The following XAB2 variants were observed in gnomAD, a reference collection of about 807,000 sequenced individuals.
The protein encoded by XAB2 is XPA binding protein 2, also known as pre-mRNA-splicing factor SYF1.
A neutral mutation model predicts 113.4 loss-of-function variants in XAB2; 57 were observed. That is an observed-to-expected ratio of 0.50 (90% CI 0.41 to 0.63). The LOEUF is 0.63. XAB2 is among the 20% of genes least tolerant of loss of function. The pLI is 0.00. For missense variants in XAB2, 1,037 were observed against 1,233.3 expected (o/e 0.84, Z 2.38); for synonymous variants, 497 against 498.8 (o/e 1.00, Z 0.05).
chr19:7,629,398 C>T (rs1029208062), intron 1 of XAB2, 79 bp downstream of exon 1: 22 of 1,528,770 alleles, frequency 1.4e-5, no homozygotes, highest in Non-Finnish European at 1.8e-5. Context: ...ATCTCCTTGC[C>T]GACCCAGCCT....
rs397724907 is a variant in XAB2, at chr19:7,625,473, CTTTTT to C, written c.822+402_822+406del. ...ATATGCATGTCTGTCAAAAATGGCA[CTTTTT>C]TTTTTTTTTTTTTTTTTTGAGATGG... On this transcript the variant is annotated intron_variant, in intron 6 of 18. Transcript: ENST00000358368. The surrounding 1 kb of genome is among the most constrained non-coding windows in gnomAD (Gnocchi z 5.2). 1.3e-4 allele frequency among the ~76,000 whole-genome samples: 14 copies of C among 105,322 alleles called. No homozygotes were observed. In the East Asian group the frequency reaches 2.6e-3, roughly 20 times the overall value. The allele number at this position is 105,322 out of a possible 152,430, so 69.1% of individuals were successfully genotyped here.
At position 7,623,287 on chromosome 19, in the gene XAB2, G is replaced by T; in HGVS notation, c.1122C>A (p.Ile374=). The change falls in exon 9 of 19, where the codon ATC becomes ATA. Residue 374 remains isoleucine (I), a splice_region_variant and synonymous_variant. Transcript: ENST00000358368. This position sits in a 1 kb window ranked among gnomAD's most constrained non-coding sequence, Gnocchi z 4.6. ...VALHQGRPRE[I]INTYTEAVQT... ...GCACAGCCTCTGTGTAGGTGTTGAT[G>T]ATCTGGGGACAGGAGGGAGGAGGTC... 1 of 1,613,472 alleles carries T rather than the reference G, an allele frequency of 6.2e-7. No individual in the cohort carries two copies. The highest frequency in any genetic ancestry group is 8.5e-7 in the Non-Finnish European group (1 of 1,179,988).
At position 7,621,295 on chromosome 19, in the gene XAB2, C is replaced by A. The variant is rs778960885; in HGVS notation, c.1620G>T (p.Ala540=). 3.7e-6 allele frequency: 6 copies of A among 1,612,332 alleles called. No homozygotes were observed. The highest frequency in any genetic ancestry group is 1.7e-5 in the Admixed American group (1 of 59,992). Residue 540 remains alanine, a splice_region_variant and synonymous_variant, in exon 13 of 19, where the codon GCG becomes GCT. Coordinates refer to ENST00000358368, the MANE Select transcript of XAB2 (RefSeq NM_020196.3). ...EHKYFEESFK[A]YERGISLFKW... is the part of the protein sequence containing the mutation. The stretch of plus-strand genomic sequence containing the variant: ...TGAACAGCGAGATGCCGCGCTCGTA[C>A]GCCTGTTACCAGAGGGAGAGTCACA...
At position 7,627,939 on chromosome 19, in the gene XAB2, G is replaced by T; in HGVS notation, c.201-88C>A. The T allele has an allele frequency of 1.3e-6, 2 of 1,559,342 alleles. No homozygotes were observed. Among genetic ancestry groups the T allele is most frequent in the Non-Finnish European group, 1.7e-6 (2 of 1,149,762 alleles). ...GCCCTGCCCCAGTTGGCAAATGTGG[G>T]AAGAAGGGGTGTGGGAGGGGTGACA... On this transcript the variant is annotated intron_variant, in intron 2 of 18. Transcript: ENST00000358368. This position sits in a 1 kb window ranked among gnomAD's most constrained non-coding sequence, Gnocchi z 4.5.
At chr19:7,621,462 C>T in intron 12 of XAB2, 165 bp from the exon 13 acceptor site, 1 of 702,896 alleles carries the variant, frequency 1.4e-6, no homozygotes, top group South Asian at 1.8e-5. Context: ...GGTCTGTCCT[C>T]TGCACTGTCT....
At position 7,620,084 on chromosome 19, in the gene XAB2, T is replaced by G. The variant is rs1474668158; in HGVS notation, c.2267-9A>C. 4.3e-6 allele frequency: 7 copies of G among 1,610,184 alleles called. No homozygotes were observed. The highest frequency in any genetic ancestry group is 5.9e-6 in the Non-Finnish European group (7 of 1,179,846). On this transcript the variant is annotated splice_polypyrimidine_tract_variant and intron_variant, in intron 16 of 18. Coordinates refer to ENST00000358368, the MANE Select transcript of XAB2 (RefSeq NM_020196.3). ...AGGGGCCAGGTCAGACACTAGGGGG[T>G]GGGAGCAGGGGGTCAGCGCCACGGG...
Position 7,619,627 on chromosome 19 carries a change from T to C in XAB2, c.2527A>G (p.Ser843Gly). Residue 843 changes from serine (S) to glycine (G), a missense_variant, in exon 19 of 19, where the codon AGC becomes GGC. Ser to Gly is a moderately conservative substitution (Grantham distance 56). Coordinates refer to ENST00000358368, the MANE Select transcript of XAB2 (RefSeq NM_020196.3). Reference protein sequence around the residue: ...EPNEVRLEQQSVPAAVFGSLK... With the variant: ...EPNEVRLEQQGVPAAVFGSLK... ...CTCCCAAACACTGCGGCTGGCACGC[T>C]CTGCTGCTCCAGCCGAACCTCTGTG... 2.5e-6 allele frequency: 4 copies of C among 1,603,678 alleles called. No individual in the cohort carries two copies. Among genetic ancestry groups the C allele is most frequent in the Non-Finnish European group, 3.4e-6 (4 of 1,174,674 alleles).
rs2031100850 is a variant in XAB2 at position 7,624,549 on chromosome 19, G to A, written c.823-104C>T. ...ATGTGGAACCCCTGGGGGCCTTCTG[G>A]GTAGTGACGCATCCAGCACCTCTGG... On this transcript the variant is annotated intron_variant, in intron 6 of 18. Transcript: ENST00000358368. The surrounding 1 kb of genome is among the most constrained non-coding windows in gnomAD (Gnocchi z 4.2). 2.6e-6 allele frequency: 4 copies of A among 1,537,634 alleles called. No homozygotes were observed. The highest frequency in any genetic ancestry group is 3.5e-6 in the Non-Finnish European group (4 of 1,134,062).
chr19:7,621,100 C>CCCCCCCCCCCCCCCA, intron 13 of XAB2, 35 bp downstream of exon 13: 1 of 1,513,524 alleles, frequency 6.6e-7, no homozygotes, highest in Non-Finnish European at 8.9e-7. Flanking sequence ...ACCCAGCCCG[C>CCCCCCCCCCCCCCCA]CCGCCACCCC....
chr19:7,624,557 C>G lies in XAB2; in HGVS notation c.823-112G>C. ...CCCCTGGGGGCCTTCTGGGTAGTGA[C>G]GCATCCAGCACCTCTGGGTAGTGAC... On this transcript the variant is annotated intron_variant, in intron 6 of 18. Coordinates refer to ENST00000358368, the MANE Select transcript of XAB2 (RefSeq NM_020196.3). This position sits in a 1 kb window ranked among gnomAD's most constrained non-coding sequence, Gnocchi z 4.2. 1.3e-6 allele frequency: 2 copies of G among 1,495,434 alleles called. No individual in the cohort carries two copies. Among genetic ancestry groups the G allele is most frequent in the Non-Finnish European group, 1.8e-6 (2 of 1,102,454 alleles). 92.6% of individuals were successfully genotyped at this position (1,495,434 alleles called of 1,614,324 possible). A position where few individuals can be genotyped will look rare whatever the true frequency, so the allele number is the denominator to read the frequency against.
rs2031012985 is a variant in XAB2, at chr19:7,620,683, T to C, written c.1972-14A>G. 3.7e-6 allele frequency: 6 copies of C among 1,611,794 alleles called. No individual in the cohort carries two copies. The highest frequency in any genetic ancestry group is 2.2e-5 in the East Asian group (1 of 44,832). ...GTCCGACAGCACCTGGACACCGGGG[T>C]TGGGGAGGCCGGGAGTGAGGCCGGG... is the stretch of plus-strand genomic sequence containing the variant. On this transcript the variant is annotated splice_polypyrimidine_tract_variant and intron_variant, in intron 14 of 18. Coordinates refer to ENST00000358368, the MANE Select transcript of XAB2 (RefSeq NM_020196.3).
In XAB2 at chr19:7,619,671, C is replaced by T. The variant is rs1390581359; in HGVS notation, c.2507-24G>A. ...CTCTGTGGGGAAGGCGGGAGCCAGT[C>T]ACCCTCCTGGCGTTGGCCTGTCCCC... On this transcript the variant is annotated intron_variant, in intron 18 of 18. Coordinates refer to ENST00000358368, the MANE Select transcript of XAB2 (RefSeq NM_020196.3). 4 of 1,603,400 alleles carry T rather than the reference C, an allele frequency of 2.5e-6. No homozygotes were observed. The Admixed American group carries it at 5.0e-5, about 20-fold the overall frequency.
At position 7,624,249 on chromosome 19, in the gene XAB2, G is replaced by A. The variant is rs539522639; in HGVS notation, c.967+52C>T. ...ACCTGAGATGTGTCCCGCCCCTACC[G>A]CTAATGTCCACTCAGCTCTCTCCCC... On this transcript the variant is annotated intron_variant, in intron 7 of 18. Transcript: ENST00000358368. The surrounding 1 kb of genome is among the most constrained non-coding windows in gnomAD (Gnocchi z 4.2). 2.0e-5 allele frequency: 32 copies of A among 1,605,054 alleles called. No homozygotes were observed. The highest frequency in any genetic ancestry group is 4.0e-5 in the African/African-American group (3 of 74,828).
rs535912309 is a variant in XAB2 at position 7,623,027 on chromosome 19, C to T, written c.1240-134G>A. Reference sequence around the variant, plus strand: ...AGGCACACACACAGGCACACACATGCGTGCACATATGCATGCACCCAAATG... The same window carrying T: ...AGGCACACACACAGGCACACACATGTGTGCACATATGCATGCACCCAAATG... On this transcript the variant is annotated intron_variant, in intron 9 of 18. Coordinates refer to ENST00000358368, the MANE Select transcript of XAB2 (RefSeq NM_020196.3). The surrounding 1 kb of genome is among the most constrained non-coding windows in gnomAD (Gnocchi z 4.6). 9.5e-5 allele frequency: 145 copies of T among 1,529,128 alleles called. No homozygotes were observed. Among genetic ancestry groups the T allele is most frequent in the Admixed American group, 9.4e-4 (50 of 52,964 alleles). 94.7% of individuals were successfully genotyped at this position (1,529,128 alleles called of 1,614,324 possible).
chr19:7,629,154 G>A (rs1599375498), intron 1 of XAB2, among the ~76,000 whole-genome samples: 1 of 152,264 alleles, frequency 6.6e-6, no homozygotes, highest in East Asian at 1.9e-4. Context: ...TTCAGACACC[G>A]ATCTTCACCT....
intron 12 of XAB2, chr19:7,621,823 C>A: frequency 5.2e-6 from 1 of 190,990 alleles, no homozygotes; most frequent in African/African-American, 2.4e-5. Flanking sequence ...AGAGCCCGCA[C>A]ACACTGGCAC....
In XAB2 at chr19:7,623,936, G is replaced by T; in HGVS notation, c.968-54C>A. The T allele has an allele frequency of 6.7e-7, 1 of 1,485,940 alleles. No homozygotes were observed. The highest frequency in any genetic ancestry group is 8.9e-7 in the Non-Finnish European group (1 of 1,118,978). 92.0% of individuals were successfully genotyped at this position (1,485,940 alleles called of 1,614,324 possible). ...GCGGAGACCCAGGATGCAGGTCCCCGGATGCCACCGCCTCCACTCCCCACC... is the reference window on the plus strand; with the variant it reads ...GCGGAGACCCAGGATGCAGGTCCCCTGATGCCACCGCCTCCACTCCCCACC... On this transcript the variant is annotated intron_variant, in intron 7 of 18. Coordinates refer to ENST00000358368, the MANE Select transcript of XAB2 (RefSeq NM_020196.3). This position sits in a 1 kb window ranked among gnomAD's most constrained non-coding sequence, Gnocchi z 4.6.
Position 7,627,096 on chromosome 19 carries a change from G to A in XAB2, c.522+147C>T, listed in dbSNP as rs1256969080. 2.2e-6 allele frequency: 2 copies of A among 927,122 alleles called. No homozygotes were observed. Among genetic ancestry groups the A allele is most frequent in the East Asian group, 2.6e-5 (1 of 39,206 alleles). 57.4% of individuals were successfully genotyped at this position (927,122 alleles called of 1,614,324 possible). ...CAAACTATTTGGAAAATAAAGACAT[G>A]AATCACGGACAACAACAAAACACAT... On this transcript the variant is annotated intron_variant, in intron 4 of 18. Transcript: ENST00000358368. The surrounding 1 kb of genome is among the most constrained non-coding windows in gnomAD (Gnocchi z 4.5).
intron 14 of XAB2, 41 bp from the exon 15 acceptor site, chr19:7,620,710 T>C: frequency 6.2e-7 from 1 of 1,606,962 alleles, no homozygotes. Flanking sequence ...GAGGCCGGGG[T>C]AGCTCGGGGG....
Sources: gnomAD v4.1 joint callset for allele counts (sites outside exome capture counted in the v4.1 genomes callset) on GRCh38, gnomAD v4.1.1 for gene constraint, Gnocchi (gnomAD v3.1) non-coding constraint, MANE v1.5 for transcripts, NCBI Gene and HGNC (gene_info 2026-07-23, HGNC 2026-07-21) for gene names.